The following KCNQ1 variants were observed in gnomAD, a reference collection of about 807,000 sequenced individuals.
KCNQ1 encodes the protein potassium voltage-gated channel subfamily Q member 1, also known as potassium voltage-gated channel subfamily KQT member 1.
In KCNQ1, 49 loss-of-function variants were observed where a neutral mutation model predicts 72.4. That is an observed-to-expected ratio of 0.68 (90% CI 0.54 to 0.86). The LOEUF (loss-of-function observed/expected upper bound fraction) is 0.86. KCNQ1 is among the 40% of genes least tolerant of loss of function. KCNQ1 has a pLI of 0.00. For missense variants in KCNQ1, 790 were observed against 945.1 expected (o/e 0.84, Z 2.15); for synonymous variants, 450 against 412.6 (o/e 1.09, Z -1.10).
In KCNQ1 at chr11:2,713,584, G is replaced by T. The variant is rs901628022; in HGVS notation, c.1514+51503G>T. Among the ~76,000 whole-genome samples the T allele has an allele frequency of 6.6e-6, 1 of 152,116 alleles. No homozygotes were observed. Among genetic ancestry groups the T allele is most frequent in the Non-Finnish European group, 1.5e-5 (1 of 68,012 alleles). On this transcript the variant is annotated intron_variant, in intron 11 of 15. Coordinates refer to ENST00000155840, the MANE Select transcript of KCNQ1 (RefSeq NM_000218.3). The surrounding 1 kb of genome is among the most constrained non-coding windows in gnomAD (Gnocchi z 5.6). ...CCTTGTTGGCCGTGGATAGGTTTCT[G>T]TTCTCCCTCGACCCACCCAGCAAGA... is the stretch of plus-strand genomic sequence containing the variant.
Position 2,657,953 on chromosome 11 carries a change from C to T in KCNQ1, c.1394-4008C>T. The stretch of plus-strand genomic sequence containing the variant: ...ATCACTGGTAATATTAACCTTGAGC[C>T]ACTCGTTTAAAGTGGTGTCGGCCAG... On this transcript the variant is annotated intron_variant, in intron 10 of 15. Coordinates refer to ENST00000155840, the MANE Select transcript of KCNQ1 (RefSeq NM_000218.3). This position sits in a 1 kb window ranked among gnomAD's most constrained non-coding sequence, Gnocchi z 4.8. 1 of 398,530 alleles carries T rather than the reference C, an allele frequency of 2.5e-6. No homozygotes were observed. Among genetic ancestry groups the T allele is most frequent in the South Asian group, 1.3e-4 (1 of 7,842 alleles). 24.7% of individuals were successfully genotyped at this position (398,530 alleles called of 1,614,324 possible). A position where few individuals can be genotyped will look rare whatever the true frequency, so the allele number is the denominator to read the frequency against.
chr11:2,646,162 G>A (rs780547515), intron 10 of KCNQ1: 20 of 398,438 alleles, frequency 5.0e-5, no homozygotes, highest in African/African-American at 1.2e-4. Flanking sequence ...TCTCAGAGGC[G>A]ATCTATATAA....
At chr11:2,804,343 A>C (rs916703736) in intron 15 of KCNQ1, among the ~76,000 whole-genome samples, 1 of 152,140 alleles carries the variant, frequency 6.6e-6, no homozygotes, top group Non-Finnish European at 1.5e-5. Context: ...CCACCAAGTC[A>C]CCCAACTCAG....
At position 2,710,393 on chromosome 11, in the gene KCNQ1, C is replaced by T. The variant is rs955146219; in HGVS notation, c.1514+48312C>T. Among the ~76,000 whole-genome samples the T allele has an allele frequency of 1.4e-4, 21 of 152,204 alleles. No homozygotes were observed. The highest frequency in any genetic ancestry group is 5.1e-4 in the African/African-American group (21 of 41,512). On this transcript the variant is annotated intron_variant, in intron 11 of 15. Transcript: ENST00000155840. This position sits in a 1 kb window ranked among gnomAD's most constrained non-coding sequence, Gnocchi z 4.1. ...GTTTTTTATATTCTAGATTCAAGTTCCTTATCAGATATATTTTCTTCCTTT... is the reference window on the plus strand; with the variant it reads ...GTTTTTTATATTCTAGATTCAAGTTTCTTATCAGATATATTTTCTTCCTTT...
intron 11 of KCNQ1, chr11:2,681,199 T>C (rs1407128713): frequency 2.3e-5 from 9 of 398,460 alleles, no homozygotes; most frequent in Non-Finnish European, 4.0e-5. Flanking sequence ...ATTTTTGCAG[T>C]GTTTGTGTTC....
At chr11:2,646,381 A>G (rs1398199169) in intron 10 of KCNQ1, 2 of 398,386 alleles carry the variant, frequency 5.0e-6, no homozygotes, top group African/African-American at 2.1e-5. Context: ...AATTACTGTT[A>G]TCAGTATTTT....
chr11:2,460,266 G>A (rs761950908), intron 1 of KCNQ1, among the ~76,000 whole-genome samples: 20 of 152,350 alleles, frequency 1.3e-4, no homozygotes, highest in Non-Finnish European at 2.6e-4. Flanking sequence ...GCTGCAGGGC[G>A]GCGGAGCCTG....
intron 11 of KCNQ1, among the ~76,000 whole-genome samples, chr11:2,733,798 A>ACACACACACACACACC (rs1845894702): frequency 1.5e-5 from 1 of 66,140 alleles, no homozygotes. Context: ...ACACACACAC[A>ACACACACACACACACC]CACACACACA....
At chr11:2,778,149 C>T (rs1050084403) in intron 15 of KCNQ1, 112 bp downstream of exon 15, 10 of 1,042,352 alleles carry the variant, frequency 9.6e-6, no homozygotes, top group African/African-American at 6.2e-5. Flanking sequence ...CCCACCTTCC[C>T]GCCAGTGCCT....
chr11:2,739,813 G>A (rs1564877630), intron 11 of KCNQ1, among the ~76,000 whole-genome samples: 1 of 152,252 alleles, frequency 6.6e-6, no homozygotes, highest in Non-Finnish European at 1.5e-5. Context: ...CAGAGAGAGG[G>A]GAGGGGCAGG....
chr11:2,734,945 G>A lies in KCNQ1; in HGVS notation c.1515-33899G>A, dbSNP rs904913107. 5.3e-5 allele frequency among the ~76,000 whole-genome samples: 8 copies of A among 152,028 alleles called. No homozygotes were observed. The highest frequency in any genetic ancestry group is 4.2e-4 in the South Asian group (2 of 4,816). ...CTGGGCCAGCAGCATGTTCCAGTGC[G>A]ACACATGTGCCCCGGAGTGGCCGCG... is the stretch of plus-strand genomic sequence containing the variant. On this transcript the variant is annotated intron_variant, in intron 11 of 15. Transcript: ENST00000155840. The surrounding 1 kb of genome is among the most constrained non-coding windows in gnomAD (Gnocchi z 7.0).
intron 10 of KCNQ1, chr11:2,615,520 G>T: frequency 2.5e-6 from 1 of 397,914 alleles, no homozygotes; most frequent in African/African-American, 2.1e-5. Flanking sequence ...TTCTCATTAA[G>T]TATATTAGTT....
chr11:2,640,372 A>G (rs1478569579), intron 10 of KCNQ1: 1 of 398,448 alleles, frequency 2.5e-6, no homozygotes, highest in Non-Finnish European at 4.4e-6. Context: ...TGCAATCTTT[A>G]ACTCCCAGGC....
In KCNQ1 at chr11:2,830,929, A is replaced by G. The variant is rs1847933643; in HGVS notation, c.1795-16838A>G. Among the ~76,000 whole-genome samples the G allele has an allele frequency of 6.6e-6, 1 of 152,186 alleles. No homozygotes were observed. Among genetic ancestry groups the G allele is most frequent in the African/African-American group, 2.4e-5 (1 of 41,426 alleles). ...AGGGAGTCTTTGAAACCGCAAGGGT[A>G]CCCTTGGGAGACCCCGTGCAGGTCT... On this transcript the variant is annotated intron_variant, in intron 15 of 15. Coordinates refer to ENST00000155840, the MANE Select transcript of KCNQ1 (RefSeq NM_000218.3). This position sits in a 1 kb window ranked among gnomAD's most constrained non-coding sequence, Gnocchi z 7.7.
chr11:2,578,972 G>A (rs192059330), intron 6 of KCNQ1, among the ~76,000 whole-genome samples: 93 of 152,350 alleles, frequency 6.1e-4, no homozygotes, highest in African/African-American at 2.2e-3. Context: ...ACCTGAGAGT[G>A]CCAGCTGGGG....
intron 11 of KCNQ1, chr11:2,667,105 C>T (rs1234769002): frequency 4.0e-5 from 16 of 398,622 alleles, no homozygotes; most frequent in Admixed American, 3.1e-4. Context: ...AAATTAAAAC[C>T]GAGGCGTAAT....
In KCNQ1 at chr11:2,471,906, G is replaced by C. The variant is rs941295784; in HGVS notation, c.386+26422G>C. On this transcript the variant is annotated intron_variant, in intron 1 of 15. Coordinates refer to ENST00000155840, the MANE Select transcript of KCNQ1 (RefSeq NM_000218.3). The surrounding 1 kb of genome is among the most constrained non-coding windows in gnomAD (Gnocchi z 4.8). ...CACATGTGTATAGGTGTGTGTATGC[G>C]TGCACCTATGTGTGTATAGGCGTGT... Among the ~76,000 whole-genome samples, 3 of 149,928 alleles carry C rather than the reference G, an allele frequency of 2.0e-5. No homozygotes were observed. Among genetic ancestry groups the C allele is most frequent in the Admixed American group, 1.3e-4 (2 of 15,134 alleles).
Position 2,447,400 on chromosome 11 carries a change from G to A in KCNQ1, c.386+1916G>A, listed in dbSNP as rs1182024728. 3.3e-5 allele frequency among the ~76,000 whole-genome samples: 5 copies of A among 152,074 alleles called. No individual in the cohort carries two copies. The highest frequency in any genetic ancestry group is 2.9e-5 in the Non-Finnish European group (2 of 68,012). ...GTTCTGGGTCCTGTCCTTGTAAGAC[G>A]TGTGCCTGGCCCTGGGAAGTTGTCA... On this transcript the variant is annotated intron_variant, in intron 1 of 15. Coordinates refer to ENST00000155840, the MANE Select transcript of KCNQ1 (RefSeq NM_000218.3). The surrounding 1 kb of genome is among the most constrained non-coding windows in gnomAD (Gnocchi z 7.6).
rs1191931411 is a variant in KCNQ1, at chr11:2,652,065, T to C, written c.1394-9896T>C. The C allele has an allele frequency of 1.0e-5, 4 of 398,518 alleles. No individual in the cohort carries two copies. Among genetic ancestry groups the C allele is most frequent in the East Asian group, 3.6e-5 (1 of 28,078 alleles). 24.7% of individuals were successfully genotyped at this position (398,518 alleles called of 1,614,324 possible). A position where few individuals can be genotyped will look rare whatever the true frequency, so the allele number is the denominator to read the frequency against. On this transcript the variant is annotated intron_variant, in intron 10 of 15. Coordinates refer to ENST00000155840, the MANE Select transcript of KCNQ1 (RefSeq NM_000218.3). This position sits in a 1 kb window ranked among gnomAD's most constrained non-coding sequence, Gnocchi z 5.9. ...GCTCTGACTGTGTCCAGGCTCCAAT[T>C]TGAGAAGCTATGGGGAGCCTCTCGG...
Sources: gnomAD v4.1 joint callset for allele counts (sites outside exome capture counted in the v4.1 genomes callset) on GRCh38, gnomAD v4.1.1 for gene constraint, Gnocchi (gnomAD v3.1) non-coding constraint, MANE v1.5 for transcripts, NCBI Gene and HGNC (gene_info 2026-07-23, HGNC 2026-07-21) for gene names.